MORN1: variants seen among roughly 807,000 people sequenced by gnomAD.
MORN1 encodes the protein MORN repeat containing 1, also known as MORN repeat-containing protein 1.
Under a neutral mutation model 61.9 loss-of-function variants are expected in MORN1, and 67 were observed. The ratio of observed to expected loss-of-function variants is 1.08; its 90% CI spans 0.89 to 1.33. The LOEUF is 1.33. Among genes scored for constraint, MORN1 ranks in the 40% most tolerant of loss-of-function variants. The pLI is 0.00. For synonymous variants in MORN1, 301 were observed against 292.0 expected, an observed-to-expected ratio of 1.03 and a Z score of -0.31; for missense variants, 752 against 691.2, an observed-to-expected ratio of 1.09 and a Z score of -0.99.
chr1:2,333,587 G>A (rs2645066), intron 12 of MORN1, among the ~76,000 whole-genome samples: 36,986 of 152,182 alleles, frequency 0.24, 4,919 homozygotes, highest in East Asian at 0.5. Context: ...CAGGGTGCTA[G>A]CGGCAGGATC....
chr1:2,351,090 A>C (rs1424296793), intron 10 of MORN1: 2 of 152,464 alleles, frequency 1.3e-5, no homozygotes, highest in Non-Finnish European at 2.9e-5. Flanking sequence ...CCAGTCCCCC[A>C]TGCACGACCC....
intron 10 of MORN1, among the ~76,000 whole-genome samples, chr1:2,340,817 C>A (rs1318814932): frequency 6.6e-6 from 1 of 152,144 alleles, no homozygotes; most frequent in Admixed American, 6.5e-5. Context: ...GCCATACAGG[C>A]TGCCACACAG....
At chr1:2,376,558 C>G (rs577767588) in intron 6 of MORN1, 1 of 152,206 alleles carries the variant, frequency 6.6e-6, no homozygotes, top group Non-Finnish European at 1.5e-5. Context: ...CAGACACACT[C>G]GAGTCATGAG....
intron 6 of MORN1, among the ~76,000 whole-genome samples, chr1:2,380,461 A>G (rs1219807999): frequency 6.6e-6 from 1 of 152,140 alleles, no homozygotes; most frequent in Non-Finnish European, 1.5e-5. Flanking sequence ...ACACAGTGAG[A>G]CCTCGCCTCT....
intron 12 of MORN1, among the ~76,000 whole-genome samples, chr1:2,327,990 G>A (rs1641073171): frequency 6.6e-6 from 1 of 152,192 alleles, no homozygotes; most frequent in Non-Finnish European, 1.5e-5. Context: ...GCTTCTGTGT[G>A]CAGACAGCAG....
intron 8 of MORN1, among the ~76,000 whole-genome samples, chr1:2,368,066 T>C (rs911059992): frequency 6.6e-6 from 1 of 152,234 alleles, no homozygotes; most frequent in Admixed American, 6.5e-5. Context: ...CTTAAAACTT[T>C]TGTGTTTCAA....
rs376122564 is a variant in MORN1, at chr1:2,389,982, C to T, written c.91G>A (p.Val31Ile). 3.7e-6 allele frequency: 6 copies of T among 1,613,904 alleles called. No homozygotes were observed. Among genetic ancestry groups the T allele is most frequent in the East Asian group, 2.2e-5 (1 of 44,886 alleles). ...RPPRNGYGVY[V>I]YPNSFFRYEG... ...TATCGAAAGAAGGAATTTGGGTATA[C>T]GTAGACACCATAACCTGAGTATTGA... is the stretch of plus-strand genomic sequence containing the variant. Residue 31 changes from valine (V) to isoleucine (I), a missense_variant, in exon 2 of 14, where the codon GTA becomes ATA. Physicochemically the swap from Val to Ile is conservative, Grantham distance 29 (BLOSUM62 3). Transcript: ENST00000378531.
In MORN1 at chr1:2,388,299, C is replaced by T. The variant is rs199929764; in HGVS notation, c.187G>A (p.Glu63Lys). Reference protein sequence around the residue: ...KLLFKDGSYYEGAFVDGEITG... With the variant: ...KLLFKDGSYYKGAFVDGEITG... ...ATCTCTCCGTCCACAAACGCCCCTT[C>T]GTAATAACTGCCATCTTTAAATAAC... The change falls in exon 3 of 14, where the codon GAA (glutamate) becomes AAA (lysine). Residue 63 changes from glutamate to lysine, a missense_variant. Physicochemically the swap from Glu to Lys is moderately conservative, Grantham distance 56. Coordinates refer to ENST00000378531, the MANE Select transcript of MORN1 (RefSeq NM_024848.3). The T allele has an allele frequency of 1.3e-4, 204 of 1,614,024 alleles. No homozygotes were observed. The highest frequency in any genetic ancestry group is 8.3e-4 in the Middle Eastern group (5 of 6,060).
intron 6 of MORN1, among the ~76,000 whole-genome samples, chr1:2,383,549 C>T (rs537675759): frequency 7.9e-5 from 12 of 152,314 alleles, no homozygotes; most frequent in African/African-American, 2.6e-4. Flanking sequence ...TGTAATTCTG[C>T]GACCCACACA....
intron 8 of MORN1, among the ~76,000 whole-genome samples, chr1:2,360,311 A>C (rs1438763536): frequency 2.0e-5 from 3 of 152,238 alleles, no homozygotes; most frequent in African/African-American, 4.8e-5. Context: ...GGGATGGAGT[A>C]ACTGGGATCG....
intron 13 of MORN1, chr1:2,323,385 CCCAGAGACA>C (rs1640926760): frequency 1.0e-6 from 1 of 985,328 alleles, no homozygotes; most frequent in African/African-American, 1.7e-5. Flanking sequence ...CAGCCAGAAC[CCCAGAGACA>C]CCAGACGAAG....
chr1:2,331,059 C>T (rs1388112410), intron 12 of MORN1, among the ~76,000 whole-genome samples: 2 of 152,094 alleles, frequency 1.3e-5, no homozygotes, highest in African/African-American at 2.4e-5. Context: ...GGGCAGCAGG[C>T]GGCGGGCACG....
chr1:2,332,516 C>T (rs541781677), intron 12 of MORN1: 16 of 433,508 alleles, frequency 3.7e-5, no homozygotes, highest in Non-Finnish European at 4.2e-5. Flanking sequence ...ATCGACCCCA[C>T]GCAGGCCGCT....
At chr1:2,344,583 G>A (rs77981827) in intron 10 of MORN1, among the ~76,000 whole-genome samples, 32,546 of 152,186 alleles carry the variant, frequency 0.21, 3,633 homozygotes, top group Non-Finnish European at 0.24. Flanking sequence ...GCCGGGCTGT[G>A]CAAAGGACAC....
intron 10 of MORN1, among the ~76,000 whole-genome samples, chr1:2,343,494 G>A (rs532800819): frequency 1.1e-4 from 16 of 152,346 alleles, no homozygotes; most frequent in Non-Finnish European, 2.4e-4. Flanking sequence ...TGGGGGTGCT[G>A]TGCTGAGCAG....
chr1:2,354,676 G>A (rs1481636492), intron 10 of MORN1, among the ~76,000 whole-genome samples: 1 of 152,206 alleles, frequency 6.6e-6, no homozygotes, highest in Admixed American at 6.5e-5. Context: ...CCCCTGCACA[G>A]GCCTGGGTGG....
At chr1:2,336,884 G>A in intron 10 of MORN1, 34 bp from the exon 11 acceptor site, 1 of 1,513,508 alleles carries the variant, frequency 6.6e-7, no homozygotes, top group Non-Finnish European at 8.8e-7. Flanking sequence ...ACCCTATGAG[G>A]GGCTCAGGGC....
In MORN1 at chr1:2,372,720, G is replaced by C; in HGVS notation, c.635-129C>G. 1 of 661,402 alleles carries C rather than the reference G, an allele frequency of 1.5e-6. No individual in the cohort carries two copies. Among genetic ancestry groups the C allele is most frequent in the Non-Finnish European group, 2.6e-6 (1 of 384,302 alleles). 41.0% of individuals were successfully genotyped at this position (661,402 alleles called of 1,614,324 possible). ...TGTGGCAGCTGGAACACAAGCACAT[G>C]CGGGGGCCGACCCTCCGCAAACCAC... On this transcript the variant is annotated intron_variant, in intron 7 of 13. Coordinates refer to ENST00000378531, the MANE Select transcript of MORN1 (RefSeq NM_024848.3). This position sits in a 1 kb window ranked among gnomAD's most constrained non-coding sequence, Gnocchi z 5.4.
chr1:2,355,597 C>G, intron 10 of MORN1: 1 of 895,292 alleles, frequency 1.1e-6, no homozygotes, highest in Non-Finnish European at 1.7e-6. Flanking sequence ...CGGCCAGGGG[C>G]ATTCCGCTGC....
Sources: allele counts gnomAD v4.1 joint callset (sites outside exome capture counted in the v4.1 genomes callset), GRCh38; gene constraint gnomAD v4.1.1; non-coding constraint Gnocchi (gnomAD v3.1); transcripts MANE v1.5; gene names NCBI Gene and HGNC (gene_info 2026-07-23, HGNC 2026-07-21).